PCBP3: variants seen among roughly 807,000 people sequenced by gnomAD.
PCBP3 encodes the protein poly(rC) binding protein 3, also known as poly(rC)-binding protein 3.
In PCBP3, 25 loss-of-function variants were observed where a neutral mutation model predicts 52.7. The ratio of observed to expected loss-of-function variants is 0.47; its 90% confidence interval spans 0.35 to 0.66. PCBP3 has a LOEUF of 0.66. Ranked by LOEUF, PCBP3 falls within the 30% of genes least tolerant of loss-of-function variation. The pLI is 0.01. For missense variants in PCBP3, 391 were observed against 490.3 expected (o/e 0.80, Z 1.91); for synonymous variants, 162 against 183.0 (o/e 0.89, Z 0.93).
intron 4 of PCBP3, among the ~76,000 whole-genome samples, chr21:45,826,346 A>G (rs1436126261): frequency 6.6e-6 from 1 of 152,224 alleles, no homozygotes; most frequent in Non-Finnish European, 1.5e-5. Flanking sequence ...GAACGGTTCA[A>G]CTTTCCTGTT....
At chr21:45,676,935 C>G (rs1463223418) in intron 2 of PCBP3, among the ~76,000 whole-genome samples, 1 of 152,012 alleles carries the variant, frequency 6.6e-6, no homozygotes, top group African/African-American at 2.4e-5. Context: ...CCATGCCTAG[C>G]TAATTTTTTG....
intron 4 of PCBP3, among the ~76,000 whole-genome samples, chr21:45,784,380 C>G (rs936157596): frequency 8.5e-6 from 1 of 117,412 alleles, no homozygotes; most frequent in African/African-American, 2.9e-5. Context: ...ACCTCTACCT[C>G]TACCTCTACC....
chr21:45,700,223 T>C (rs1292684705), intron 2 of PCBP3, among the ~76,000 whole-genome samples: 1 of 152,218 alleles, frequency 6.6e-6, no homozygotes, highest in Non-Finnish European at 1.5e-5. Context: ...ATTACTAATA[T>C]TCTGTGGTCA....
In PCBP3 at chr21:45,833,519, A is replaced by G. The variant is rs1477778462; in HGVS notation, c.-125-16442A>G. ...TTATTCACAAAGACTGTCTGGTTCC[A>G]GCCAACTGCCGAGGTGCTGCCCATG... On this transcript the variant is annotated intron_variant, in intron 4 of 17. Transcript: ENST00000681687. Among the ~76,000 whole-genome samples the G allele has an allele frequency of 1.3e-5, 2 of 152,232 alleles. 1 individual carries two copies. Among genetic ancestry groups the G allele is most frequent in the Non-Finnish European group, 2.9e-5 (2 of 68,038 alleles).
Position 45,928,930 on chromosome 21 carries a change from G to A in PCBP3, c.718-987G>A, listed in dbSNP as rs576681018. Among the ~76,000 whole-genome samples the A allele has an allele frequency of 4.6e-5, 7 of 152,252 alleles. No homozygotes were observed. The South Asian group carries it at 1.4e-3, about 32-fold the overall frequency. ...TTGCCCAGGGTCCTCCTGAGCCCCAGGACACCCTCTGCAGCACCCAGCCTT... is the reference window on the plus strand; with the variant it reads ...TTGCCCAGGGTCCTCCTGAGCCCCAAGACACCCTCTGCAGCACCCAGCCTT... On this transcript the variant is annotated intron_variant, in intron 13 of 17. Transcript: ENST00000681687. This position sits in a 1 kb window ranked among gnomAD's most constrained non-coding sequence, Gnocchi z 4.1.
At chr21:45,913,466 T>C (rs1265991243) in intron 11 of PCBP3, among the ~76,000 whole-genome samples, 2 of 152,174 alleles carry the variant, frequency 1.3e-5, no homozygotes, top group Non-Finnish European at 2.9e-5. Context: ...GGCAGCTCCC[T>C]GTGAAGCCGT....
In PCBP3 at chr21:45,932,631, G is replaced by A. The variant is rs78518892; in HGVS notation, c.856+1786G>A. Among the ~76,000 whole-genome samples the A allele has an allele frequency of 2.6e-4, 40 of 151,510 alleles. 1 individual carries two copies. The East Asian group carries it at 5.3e-3, about 20-fold the overall frequency. On this transcript the variant is annotated intron_variant, in intron 15 of 17. Transcript: ENST00000681687. ...GATGAATGAACACGTCGGCCGTGCC[G>A]TCCTGAGATGAATGAACACAACAGT...
intron 5 of PCBP3, among the ~76,000 whole-genome samples, chr21:45,892,224 G>A (rs1037525424): frequency 6.6e-6 from 1 of 152,222 alleles, no homozygotes; most frequent in South Asian, 2.1e-4. Context: ...AGGGAAGGGT[G>A]CATTTAACCT....
At chr21:45,842,127 A>G (rs2093711511) in intron 4 of PCBP3, among the ~76,000 whole-genome samples, 2 of 152,198 alleles carry the variant, frequency 1.3e-5, no homozygotes, top group South Asian at 4.1e-4. Context: ...GTGAATCTTC[A>G]TTGTGTATTT....
In PCBP3 at chr21:45,736,367, G is replaced by A. The variant is rs1168398654; in HGVS notation, c.-162+938G>A. ...GTAAGAAGAGCTGCCTTGTTGATGG[G>A]ACGTGGGTCGGAGCTCCCAGTGTGT... On this transcript the variant is annotated intron_variant, in intron 3 of 17. Coordinates refer to ENST00000681687, the MANE Select transcript of PCBP3 (RefSeq NM_001384156.1). This position sits in a 1 kb window ranked among gnomAD's most constrained non-coding sequence, Gnocchi z 4.6. 6.6e-6 allele frequency among the ~76,000 whole-genome samples: 1 copy of A among 152,234 alleles called. No homozygotes were observed. Among genetic ancestry groups the A allele is most frequent in the Non-Finnish European group, 1.5e-5 (1 of 68,050 alleles).
chr21:45,886,862 C>G (rs2095536686), intron 5 of PCBP3, among the ~76,000 whole-genome samples: 2 of 152,206 alleles, frequency 1.3e-5, no homozygotes, highest in South Asian at 4.1e-4. Context: ...AAGCCACCCC[C>G]GCATGGGGTT....
intron 4 of PCBP3, among the ~76,000 whole-genome samples, chr21:45,847,255 C>G (rs1310220240): frequency 1.3e-5 from 2 of 152,068 alleles, no homozygotes; most frequent in African/African-American, 4.8e-5. Flanking sequence ...TTTCTCCCAC[C>G]TATTTTTCAT....
At chr21:45,679,700 C>G (rs1390243351) in intron 2 of PCBP3, among the ~76,000 whole-genome samples, 1 of 152,106 alleles carries the variant, frequency 6.6e-6, no homozygotes, top group Non-Finnish European at 1.5e-5. Context: ...TTAATCAGGG[C>G]TTTTGCAGAT....
intron 2 of PCBP3, among the ~76,000 whole-genome samples, chr21:45,711,713 AT>A (rs2148156720): frequency 6.6e-6 from 1 of 152,288 alleles, no homozygotes; most frequent in East Asian, 1.9e-4. Context: ...TGTTTAATAT[AT>A]TTTTAATACA....
Position 45,917,770 on chromosome 21 carries a change from T to G in PCBP3, c.717+141T>G. On this transcript the variant is annotated intron_variant, in intron 13 of 17. Transcript: ENST00000681687. The surrounding 1 kb of genome is among the most constrained non-coding windows in gnomAD (Gnocchi z 5.3). ...CTCAGCGTTCCTGACCTGTGTCGTATCCATATGACCTCGAATAACCTTTTA... is the reference window on the plus strand; with the variant it reads ...CTCAGCGTTCCTGACCTGTGTCGTAGCCATATGACCTCGAATAACCTTTTA... 1 of 764,846 alleles carries G rather than the reference T, an allele frequency of 1.3e-6. No individual in the cohort carries two copies. The highest frequency in any genetic ancestry group is 1.9e-5 in the Admixed American group (1 of 52,516). 47.4% of individuals were successfully genotyped at this position (764,846 alleles called of 1,614,324 possible).
At chr21:45,856,645 T>C (rs941158376) in intron 5 of PCBP3, among the ~76,000 whole-genome samples, 8 of 147,172 alleles carry the variant, frequency 5.4e-5, no homozygotes, top group Admixed American at 1.3e-4. Flanking sequence ...CCTCCCGCCA[T>C]GATCGCAAGT....
chr21:45,841,231 C>T (rs2093693500), intron 4 of PCBP3, among the ~76,000 whole-genome samples: 1 of 151,982 alleles, frequency 6.6e-6, no homozygotes, highest in Non-Finnish European at 1.5e-5. Flanking sequence ...GAAGATGCAG[C>T]AGGAATCGCG....
chr21:45,701,156 C>T (rs1366111064), intron 2 of PCBP3, among the ~76,000 whole-genome samples: 6 of 152,218 alleles, frequency 3.9e-5, no homozygotes, highest in Admixed American at 3.9e-4. Flanking sequence ...ACACAGTTTC[C>T]TTCCAATGTT....
intron 4 of PCBP3, among the ~76,000 whole-genome samples, chr21:45,797,807 G>GAGTGCATGGATCCATAGAGTGAATGCA (rs2092047986): frequency 1.8e-3 from 1 of 566 alleles, no homozygotes; most frequent in Non-Finnish European, 4.5e-3. Flanking sequence ...GAGTGAATAC[G>GAGTGCATGGATCCATAGAGTGAATGCA]TGGATGGACA....
Sources: gnomAD v4.1 joint callset for allele counts (sites outside exome capture counted in the v4.1 genomes callset) on GRCh38, gnomAD v4.1.1 for gene constraint, Gnocchi (gnomAD v3.1) non-coding constraint, MANE v1.5 for transcripts, NCBI Gene and HGNC (gene_info 2026-07-23, HGNC 2026-07-21) for gene names.